The following CENPE variants were observed in gnomAD, a reference collection of about 807,000 sequenced individuals.
The protein encoded by CENPE is centromere-associated protein E.
Under a neutral mutation model 336.1 loss-of-function variants are expected in CENPE, and 145 were observed. The observed-to-expected ratio is 0.43, with a 90% CI of 0.38 to 0.50. CENPE has a LOEUF of 0.50. CENPE is among the 20% of genes least tolerant of loss of function. The pLI is 0.00. For missense variants in CENPE, 2,719 were observed against 3,023.3 expected, an observed-to-expected ratio of 0.90 and a Z score of 2.36; for synonymous variants, 1,013 against 984.8, an observed-to-expected ratio of 1.03 and a Z score of -0.54.
chr4:103,141,946 CTTAATA>C (rs1405885063), intron 34 of CENPE, 38 bp from the exon 35 acceptor site: 33 of 1,255,940 alleles, frequency 2.6e-5, no homozygotes, highest in Non-Finnish European at 3.5e-5. Context: ...AGTGACATAT[CTTAATA>C]TTAGTTTTTA....
Position 103,161,609 on chromosome 4 carries a change from C to T in CENPE, c.1843-152G>A, listed in dbSNP as rs183380661. ...ATATATAAAAAGAAATAATGTTTTC[C>T]TAATAAAAATAATTTTTAAAAATTC... On this transcript the variant is annotated intron_variant, in intron 18 of 48. Transcript: ENST00000265148. The T allele has an allele frequency of 2.7e-5, 17 of 629,942 alleles. No individual in the cohort carries two copies. In the East Asian group the frequency reaches 5.5e-4, roughly 20 times the overall value. The allele number at this position is 629,942 out of a possible 1,614,324, so 39.0% of individuals were successfully genotyped here.
rs368160237 is a variant in CENPE at position 103,108,792 on chromosome 4, T to C, written c.8011+11A>G. On this transcript the variant is annotated intron_variant, in intron 48 of 48. Transcript: ENST00000265148. ...CCCTCTGATTTCCAAGTAACCAGTA[T>C]ATTTACTTACCTGGACAAAGGCCTA... 2 of 1,609,026 alleles carry C rather than the reference T, an allele frequency of 1.2e-6. No homozygotes were observed. Among genetic ancestry groups the C allele is most frequent in the African/African-American group, 2.7e-5 (2 of 74,564 alleles).
intron 31 of CENPE, 46 bp downstream of exon 31, chr4:103,145,477 C>A: frequency 6.5e-7 from 1 of 1,544,144 alleles, no homozygotes; most frequent in South Asian, 1.2e-5. Context: ...GTTAGCTACT[C>A]CAAACCCACC....
At chr4:103,117,412 C>T (rs1750227983) in intron 44 of CENPE, among the ~76,000 whole-genome samples, 1 of 152,062 alleles carries the variant, frequency 6.6e-6, no homozygotes, top group Non-Finnish European at 1.5e-5. Flanking sequence ...CAGTATCATA[C>T]AGAATAGTTT....
intron 40 of CENPE, among the ~76,000 whole-genome samples, chr4:103,134,844 C>A (rs1751931911): frequency 1.3e-5 from 2 of 152,146 alleles, no homozygotes. Flanking sequence ...TCCTCAACTT[C>A]CACCATTCCT....
At chr4:103,176,749 C>A in intron 14 of CENPE, 150 bp downstream of exon 14, 2 of 565,760 alleles carry the variant, frequency 3.5e-6, no homozygotes, top group Non-Finnish European at 5.4e-6. Context: ...TTTAGAATTA[C>A]TTATTTTAAA....
intron 13 of CENPE, among the ~76,000 whole-genome samples, chr4:103,178,031 T>G (rs1273821773): frequency 6.6e-6 from 1 of 150,798 alleles, no homozygotes; most frequent in Non-Finnish European, 1.5e-5. Context: ...TGTTCCCTTG[T>G]TGCATGACTT....
chr4:103,149,485 G>A, intron 26 of CENPE, 77 bp from the exon 27 acceptor site: 3 of 1,271,224 alleles, frequency 2.4e-6, no homozygotes, highest in Non-Finnish European at 3.2e-6. Flanking sequence ...TAACAGCCTT[G>A]CCTCCTATCA....
intron 1 of CENPE, among the ~76,000 whole-genome samples, 175 bp downstream of exon 1, chr4:103,198,089 G>A (rs1046286499): frequency 5.3e-5 from 8 of 152,226 alleles, no homozygotes; most frequent in Admixed American, 3.3e-4. Context: ...GTATCTTCTA[G>A]ATCTCCGATC....
intron 16 of CENPE, among the ~76,000 whole-genome samples, chr4:103,171,772 C>G (rs573969501): frequency 6.7e-6 from 1 of 149,626 alleles, no homozygotes; most frequent in African/African-American, 2.4e-5. Context: ...AAAAGACAGT[C>G]GACTCAAATA....
chr4:103,192,818 T>C (rs1289464369), intron 8 of CENPE, among the ~76,000 whole-genome samples: 2 of 151,978 alleles, frequency 1.3e-5, no homozygotes, highest in African/African-American at 2.4e-5. Flanking sequence ...ATTCAGAGAC[T>C]ATAGGTAAAA....
intron 48 of CENPE, among the ~76,000 whole-genome samples, 180 bp from the exon 49 acceptor site, chr4:103,106,496 T>G (rs553391225): frequency 9.3e-4 from 141 of 152,320 alleles, no homozygotes; most frequent in Non-Finnish European, 1.2e-3. Context: ...AGAAGTTTAC[T>G]CCCCATTTTG....
At chr4:103,138,572 C>A in intron 38 of CENPE, 123 bp from the exon 39 acceptor site, 2 of 682,132 alleles carry the variant, frequency 2.9e-6, no homozygotes, top group South Asian at 3.6e-5. Context: ...ATACTTGTCA[C>A]TCAAAAGCAA....
chr4:103,151,162 A>G, intron 26 of CENPE, 57 bp downstream of exon 26: 4 of 1,511,510 alleles, frequency 2.6e-6, no homozygotes, highest in Non-Finnish European at 2.7e-6. Flanking sequence ...AATAAAAATT[A>G]CCAAAAAAAA....
intron 24 of CENPE, among the ~76,000 whole-genome samples, chr4:103,157,917 A>G (rs563617928): frequency 3.9e-5 from 6 of 152,084 alleles, no homozygotes; most frequent in South Asian, 4.1e-4. Context: ...TGTTACCAAT[A>G]TATCTTAGAG....
At chr4:103,107,593 T>C (rs1749007040) in intron 48 of CENPE, among the ~76,000 whole-genome samples, 1 of 152,210 alleles carries the variant, frequency 6.6e-6, no homozygotes, top group Non-Finnish European at 1.5e-5. Flanking sequence ...CTACAAGAAA[T>C]GCCGTGTTAC....
chr4:103,189,680 A>G (rs1757126453), intron 8 of CENPE, among the ~76,000 whole-genome samples: 1 of 152,198 alleles, frequency 6.6e-6, no homozygotes, highest in African/African-American at 2.4e-5. Context: ...CCCACAGGCA[A>G]TATCATACTG....
At chr4:103,120,364 TATC>T (rs758919496) in intron 43 of CENPE, 31 bp from the exon 44 acceptor site, 4 of 1,551,164 alleles carry the variant, frequency 2.6e-6, no homozygotes, top group East Asian at 4.5e-5. Flanking sequence ...TCATAAGCTC[TATC>T]ATCAAGACAG....
rs758652045 is a variant in CENPE, at chr4:103,196,229, T to C, written c.172A>G (p.Thr58Ala). Residue 58 changes from threonine (T) to alanine (A), a missense_variant, in exon 3 of 49, where the codon ACT becomes GCT. Around this residue, in one of 5 missense-constraint regions of CENPE, gnomAD observed 106 missense variants for 189.3 expected, o/e 0.56. Transcript: ENST00000265148. ...ATTTCTTCATACACATTTTTGGTAG[T>C]TTCATTACCATGAAAGACACGATCT... ...NFDRVFHGNE[T>A]TKNVYEEIAA... 2.5e-6 allele frequency: 4 copies of C among 1,613,164 alleles called. No homozygotes were observed. In the Admixed American group the frequency reaches 6.7e-5, roughly 27 times the overall value.
Sources: gnomAD v4.1 joint callset for allele counts (sites outside exome capture counted in the v4.1 genomes callset) on GRCh38, gnomAD v4.1.1 for gene constraint, gnomAD v4.1.1 regional missense constraint, MANE v1.5 for transcripts, NCBI Gene and HGNC (gene_info 2026-07-23, HGNC 2026-07-21) for gene names.